Variants in RAB27B observed in about 807,000 individuals in gnomAD.
RAB27B encodes ras-related protein Rab-27B.
A neutral mutation model predicts 24.6 loss-of-function variants in RAB27B; 15 were observed. The ratio of observed to expected loss-of-function variants is 0.61; its 90% CI spans 0.41 to 0.94. The LOEUF is 0.94. Among genes scored for constraint, RAB27B ranks in the 40% least tolerant of loss-of-function variants. The probability of loss-of-function intolerance (pLI) is 0.00; values close to 1 mark genes in which losing one functional copy is unlikely to be tolerated. For synonymous variants in RAB27B, 105 were observed against 92.5 expected, an observed-to-expected ratio of 1.14 and a Z score of -0.78; for missense variants, 261 against 266.8, an observed-to-expected ratio of 0.98 and a Z score of 0.15.
intron 2 of RAB27B, among the ~76,000 whole-genome samples, chr18:54,769,397 C>T (rs1908469648): frequency 6.6e-6 from 1 of 152,000 alleles, no homozygotes; most frequent in Admixed American, 6.6e-5. Flanking sequence ...TATTTCTTCA[C>T]CATTTCAATT....
Position 54,736,956 on chromosome 18 carries a change from G to A in RAB27B, c.-20+18815G>A, listed in dbSNP as rs568831433. ...GAGGAATGGGAAGTCTTAGGGACTC[G>A]AAAGAACAGTTTTTAAATGTTATTT... On this transcript the variant is annotated intron_variant, in intron 2 of 4. Transcript: ENST00000586570. 3.3e-5 allele frequency among the ~76,000 whole-genome samples: 5 copies of A among 152,252 alleles called. No individual in the cohort carries two copies. In the South Asian group the frequency reaches 6.2e-4, roughly 19 times the overall value.
intron 1 of RAB27B, among the ~76,000 whole-genome samples, chr18:54,833,869 CAG>C (rs148283455): frequency 0.013 from 1,917 of 152,190 alleles, 35 homozygotes; most frequent in African/African-American, 0.044. Context: ...AAGCAGGTGG[CAG>C]AGAGAGGCAC....
chr18:54,888,157 C>A, intron 5 of RAB27B, 39 bp downstream of exon 5: 1 of 1,603,672 alleles, frequency 6.2e-7, no homozygotes, highest in South Asian at 1.1e-5. Flanking sequence ...GACTTGCACA[C>A]TGCTGTTCAG....
At chr18:54,888,594 C>A (rs1024264914) in intron 5 of RAB27B, among the ~76,000 whole-genome samples, 6 of 151,758 alleles carry the variant, frequency 4.0e-5, no homozygotes, top group African/African-American at 1.5e-4. Flanking sequence ...GTCTTTATCC[C>A]AGCTGAGCTT....
intron 2 of RAB27B, among the ~76,000 whole-genome samples, chr18:54,801,443 A>T (rs1480049506): frequency 6.6e-6 from 1 of 152,166 alleles, no homozygotes; most frequent in Admixed American, 6.5e-5. Context: ...CTCTCTCTTA[A>T]AAAACTGGAA....
chr18:54,815,731 G>A (rs572557125), intron 2 of RAB27B, among the ~76,000 whole-genome samples: 1 of 152,128 alleles, frequency 6.6e-6, no homozygotes, highest in African/African-American at 2.4e-5. Flanking sequence ...ATTCATCATG[G>A]TATTTACTAT....
At chr18:54,776,782 G>C (rs995091637) in intron 2 of RAB27B, among the ~76,000 whole-genome samples, 1 of 152,182 alleles carries the variant, frequency 6.6e-6, no homozygotes, top group African/African-American at 2.4e-5. Context: ...TCTCGGGCCT[G>C]GCATGGTCAG....
chr18:54,788,961 C>G (rs574837662), intron 2 of RAB27B, among the ~76,000 whole-genome samples: 2 of 152,276 alleles, frequency 1.3e-5, no homozygotes, highest in South Asian at 4.1e-4. Context: ...TTTAAGAGGT[C>G]ACTGAAACTG....
At chr18:54,856,245 C>G (rs978013033) in intron 1 of RAB27B, among the ~76,000 whole-genome samples, 1 of 152,204 alleles carries the variant, frequency 6.6e-6, no homozygotes, top group South Asian at 2.1e-4. Flanking sequence ...TTATGAAAGT[C>G]GGGGAGGAGG....
intron 2 of RAB27B, among the ~76,000 whole-genome samples, chr18:54,738,296 G>A (rs925777778): frequency 2.0e-5 from 3 of 152,240 alleles, no homozygotes; most frequent in Non-Finnish European, 2.9e-5. Context: ...GTTGGGCTCC[G>A]TGTCCCCACC....
intron 2 of RAB27B, among the ~76,000 whole-genome samples, chr18:54,792,797 G>T (rs1474213409): frequency 1.3e-5 from 2 of 152,174 alleles, no homozygotes; most frequent in African/African-American, 4.8e-5. Context: ...TAACAAAAAG[G>T]TATTCTAAAG....
intron 4 of RAB27B, among the ~76,000 whole-genome samples, 194 bp downstream of exon 4, chr18:54,884,630 A>G (rs1340859511): frequency 6.6e-6 from 1 of 152,200 alleles, no homozygotes; most frequent in South Asian, 2.1e-4. Flanking sequence ...AGCTTGGAAT[A>G]GTATTTTCTA....
intron 2 of RAB27B, among the ~76,000 whole-genome samples, chr18:54,746,135 CTTTG>C (rs1403448602): frequency 2.0e-5 from 3 of 152,028 alleles, no homozygotes; most frequent in African/African-American, 7.2e-5. Context: ...AAGTTTTAGT[CTTTG>C]TTTGAGAAGA....
intron 2 of RAB27B, among the ~76,000 whole-genome samples, chr18:54,748,066 C>T (rs1157706155): frequency 6.6e-6 from 1 of 151,946 alleles, no homozygotes; most frequent in Non-Finnish European, 1.5e-5. Flanking sequence ...GAGATGGTGC[C>T]ACTGCACTCC....
At chr18:54,878,522 C>A (rs575169690) in intron 2 of RAB27B, among the ~76,000 whole-genome samples, 1 of 152,052 alleles carries the variant, frequency 6.6e-6, no homozygotes, top group African/African-American at 2.4e-5. Context: ...AGTTGAATCA[C>A]GGTTTTTTTA....
At chr18:54,768,340 T>C (rs896702504) in intron 2 of RAB27B, among the ~76,000 whole-genome samples, 2 of 152,186 alleles carry the variant, frequency 1.3e-5, no homozygotes, top group Non-Finnish European at 1.5e-5. Flanking sequence ...AATGGCTGCA[T>C]GGTGAAAGGT....
upstream of RAB27B, among the ~76,000 whole-genome samples, chr18:54,826,115 A>G (rs1208754134): frequency 6.6e-6 from 1 of 152,250 alleles, no homozygotes; most frequent in Non-Finnish European, 1.5e-5. Context: ...TATTCTTGTA[A>G]TAAAGCAGTT....
At chr18:54,791,281 G>T (rs1463929858) in intron 2 of RAB27B, among the ~76,000 whole-genome samples, 1 of 152,186 alleles carries the variant, frequency 6.6e-6, no homozygotes, top group Admixed American at 6.5e-5. Flanking sequence ...TGGATCAAGT[G>T]TATCAGACTT....
chr18:54,721,017 C>T (rs1909342928), intron 2 of RAB27B, among the ~76,000 whole-genome samples: 1 of 152,046 alleles, frequency 6.6e-6, no homozygotes, highest in Non-Finnish European at 1.5e-5. Context: ...AACTGGGAGG[C>T]ACAAATTATG....
Sources: allele counts gnomAD v4.1 joint callset (sites outside exome capture counted in the v4.1 genomes callset), GRCh38; gene constraint gnomAD v4.1.1; transcripts MANE v1.5; gene names NCBI Gene and HGNC (gene_info 2026-07-23, HGNC 2026-07-21).